Variants in PLCG1 observed in about 807,000 individuals in gnomAD.
PLCG1 encodes phospholipase C gamma 1.
In PLCG1, 71 loss-of-function variants were observed where a neutral mutation model predicts 177.8. That is an observed-to-expected ratio of 0.40 (90% CI 0.33 to 0.49). The LOEUF (loss-of-function observed/expected upper bound fraction) is 0.49. Ranked by LOEUF, PLCG1 falls within the 20% of genes least tolerant of loss-of-function variation. The probability of loss-of-function intolerance (pLI) is 0.72; values close to 1 mark genes in which losing one functional copy is unlikely to be tolerated. For synonymous variants in PLCG1, 658 were observed against 647.9 expected, an observed-to-expected ratio of 1.02 and a Z score of -0.24; for missense variants, 1,281 against 1,709.0, an observed-to-expected ratio of 0.75 and a Z score of 4.42.
In PLCG1 at chr20:41,172,352, G is replaced by A; in HGVS notation, c.2905+63G>A. 6.3e-7 allele frequency: 1 copy of A among 1,577,986 alleles called. No individual in the cohort carries two copies. Among genetic ancestry groups the A allele is most frequent in the Non-Finnish European group, 8.7e-7 (1 of 1,147,062 alleles). On this transcript the variant is annotated intron_variant, in intron 25 of 31. Coordinates refer to ENST00000685551, the MANE Select transcript of PLCG1 (RefSeq NM_002660.3). The surrounding 1 kb of genome is among the most constrained non-coding windows in gnomAD (Gnocchi z 7.0). ...GGAGGGCCTGGTGGGTGCAAAAAGA[G>A]TATTTAGGTATCCCCCCAACACTTC...
In PLCG1 at chr20:41,165,340, C is replaced by T. The variant is rs760495985; in HGVS notation, c.1482C>T (p.Ile494=). 6.2e-6 allele frequency: 10 copies of T among 1,614,060 alleles called. No homozygotes were observed. The highest frequency in any genetic ancestry group is 4.4e-5 in the South Asian group (4 of 91,090). ...NDISNSIKNG[I]LYLEDPVNHE... ...TCAGCAACTCTATCAAGAATGGCATCCTCTACCTGGAGGACCCTGTGAACC... is the reference window on the plus strand; with the variant it reads ...TCAGCAACTCTATCAAGAATGGCATTCTCTACCTGGAGGACCCTGTGAACC... The change falls in exon 14 of 32, where the codon ATC becomes ATT. Residue 494 remains isoleucine (I), a synonymous_variant. Transcript: ENST00000685551. The surrounding 1 kb of genome is among the most constrained non-coding windows in gnomAD (Gnocchi z 6.6).
At position 41,164,715 on chromosome 20, in the gene PLCG1, C is replaced by T. The variant is rs1054120754; in HGVS notation, c.1218-218C>T. 2.6e-5 allele frequency among the ~76,000 whole-genome samples: 4 copies of T among 152,160 alleles called. No homozygotes were observed. The highest frequency in any genetic ancestry group is 4.8e-5 in the African/African-American group (2 of 41,434). On this transcript the variant is annotated intron_variant, in intron 12 of 31. Transcript: ENST00000685551. This position sits in a 1 kb window ranked among gnomAD's most constrained non-coding sequence, Gnocchi z 6.4. ...AGCAGCCTCCATAATTGGGCCAGCT[C>T]GGGACTGCATCAGTTGCCACCCTTT... is the stretch of plus-strand genomic sequence containing the variant.
rs867647821 is a variant in PLCG1 at position 41,176,577 on chromosome 20, G to A, written c.*2068G>A. 1 of 152,228 alleles carries A rather than the reference G, an allele frequency of 6.6e-6. No individual in the cohort carries two copies. The highest frequency in any genetic ancestry group is 6.5e-5 in the Admixed American group (1 of 15,282). 9.4% of individuals were successfully genotyped at this position (152,228 alleles called of 1,614,324 possible). On this transcript the variant is annotated 3_prime_UTR_variant, in exon 32 of 32. Transcript: ENST00000685551. ...ACGTATCTCTATTTGCTGAACAAGT[G>A]TCTTTCTGGAACACAACCTGGGGAA...
intron 1 of PLCG1, among the ~76,000 whole-genome samples, chr20:41,139,374 A>G (rs531530412): frequency 4.9e-4 from 75 of 152,084 alleles, no homozygotes; most frequent in Middle Eastern, 3.4e-3. Context: ...CCCCTTCCTT[A>G]CTCCCTATGC....
rs749051764 is a variant in PLCG1 at position 41,168,763 on chromosome 20, G to T, written c.2380-4G>T. 6.3e-7 allele frequency: 1 copy of T among 1,583,570 alleles called. No homozygotes were observed. Among genetic ancestry groups the T allele is most frequent in the South Asian group, 1.1e-5 (1 of 89,962 alleles). On this transcript the variant is annotated splice_region_variant and splice_polypyrimidine_tract_variant and intron_variant, in intron 20 of 31. Coordinates refer to ENST00000685551, the MANE Select transcript of PLCG1 (RefSeq NM_002660.3). ...GCTCTGACTGGTGCTTCTCACCTCT[G>T]CAGTGTGCAGTCAAAGCCCTCTTTG...
rs778043203 is a variant in PLCG1 at position 41,166,271 on chromosome 20, A to G, written c.1877A>G (p.Asn626Ser). ...AGTPKFFLTD[N>S]LVFDSLYDLI... The stretch of plus-strand genomic sequence containing the variant: ...ACCCCCAAGTTCTTCTTGACAGACA[A>G]CCTCGTCTTTGACTCCCTCTATGAC... Residue 626 changes from asparagine to serine, a missense_variant, in exon 17 of 32, where the codon AAC (asparagine) becomes AGC (serine). Asn to Ser is a conservative substitution (Grantham distance 46). Around this residue, in one of 4 missense-constraint regions of PLCG1, gnomAD observed 723 missense variants for 1,030.0 expected, o/e 0.70. Coordinates refer to ENST00000685551, the MANE Select transcript of PLCG1 (RefSeq NM_002660.3). This position sits in a 1 kb window ranked among gnomAD's most constrained non-coding sequence, Gnocchi z 8.6. 17 of 1,613,988 alleles carry G rather than the reference A, an allele frequency of 1.1e-5. No homozygotes were observed. The highest frequency in any genetic ancestry group is 6.6e-5 in the South Asian group (6 of 91,080).
In PLCG1 at chr20:41,148,857, G is replaced by T. The variant is rs1051959001; in HGVS notation, c.218-10749G>T. 6.6e-6 allele frequency among the ~76,000 whole-genome samples: 1 copy of T among 152,162 alleles called. No individual in the cohort carries two copies. The highest frequency in any genetic ancestry group is 2.4e-5 in the African/African-American group (1 of 41,430). Reference sequence around the variant, plus strand: ...GATTCTGAGGCATTACAGAGCACACGTCTAGGGTACAGGCAGTCTTGGCTT... The same window carrying T: ...GATTCTGAGGCATTACAGAGCACACTTCTAGGGTACAGGCAGTCTTGGCTT... On this transcript the variant is annotated intron_variant, in intron 1 of 31. Coordinates refer to ENST00000685551, the MANE Select transcript of PLCG1 (RefSeq NM_002660.3). The surrounding 1 kb of genome is among the most constrained non-coding windows in gnomAD (Gnocchi z 4.3).
rs548111784 is a variant in PLCG1, at chr20:41,157,932, G to T, written c.218-1674G>T. Among the ~76,000 whole-genome samples, 1 of 152,298 alleles carries T rather than the reference G, an allele frequency of 6.6e-6. No individual in the cohort carries two copies. The highest frequency in any genetic ancestry group is 2.1e-4 in the South Asian group (1 of 4,824). On this transcript the variant is annotated intron_variant, in intron 1 of 31. Transcript: ENST00000685551. The surrounding 1 kb of genome is among the most constrained non-coding windows in gnomAD (Gnocchi z 5.4). ...CGGGAGGGGCTTGAATGAGGTCTAG[G>T]GGGGTCAGAATAATGTTTTATGAAG...
intron 1 of PLCG1, among the ~76,000 whole-genome samples, chr20:41,143,333 T>TGGAAGG (rs1015514984): frequency 6.6e-5 from 10 of 152,192 alleles, no homozygotes; most frequent in Non-Finnish European, 1.5e-4. Context: ...CCACAGATGA[T>TGGAAGG]AAGTTGGAGG....
In PLCG1 at chr20:41,149,190, T is replaced by C. The variant is rs371804003; in HGVS notation, c.218-10416T>C. On this transcript the variant is annotated intron_variant, in intron 1 of 31. Coordinates refer to ENST00000685551, the MANE Select transcript of PLCG1 (RefSeq NM_002660.3). ...TCATCCTCTACTTCTCAGCTTCTTA[T>C]AGTATTTGTCTGTGGACTCTAACGT... Among the ~76,000 whole-genome samples the C allele has an allele frequency of 5.8e-4, 89 of 152,354 alleles. 1 individual carries two copies. Among genetic ancestry groups the C allele is most frequent in the East Asian group, 4.8e-3 (25 of 5,188 alleles).
In PLCG1 at chr20:41,149,476, G is replaced by T. The variant is rs576391703; in HGVS notation, c.218-10130G>T. On this transcript the variant is annotated intron_variant, in intron 1 of 31. Coordinates refer to ENST00000685551, the MANE Select transcript of PLCG1 (RefSeq NM_002660.3). ...GTGATGCTCTTAGCTGACCCAGGGG[G>T]TATGGCAAGAGGCCTTGGTTCTGGT... Among the ~76,000 whole-genome samples, 149 of 152,350 alleles carry T rather than the reference G, an allele frequency of 9.8e-4. 1 individual carries two copies. Among genetic ancestry groups the T allele is most frequent in the Non-Finnish European group, 3.8e-4 (26 of 68,038 alleles).
At position 41,167,009 on chromosome 20, in the gene PLCG1, G is replaced by C; in HGVS notation, c.2301+150G>C. On this transcript the variant is annotated intron_variant, in intron 19 of 31. Coordinates refer to ENST00000685551, the MANE Select transcript of PLCG1 (RefSeq NM_002660.3). This position sits in a 1 kb window ranked among gnomAD's most constrained non-coding sequence, Gnocchi z 4.4. Reference sequence around the variant, plus strand: ...ACTCCAGCTGGGAGCCACAGTGTGGGTACCAGGAGGGTGTCTGCAGGAGGG... The same window carrying C: ...ACTCCAGCTGGGAGCCACAGTGTGGCTACCAGGAGGGTGTCTGCAGGAGGG... 5.7e-6 allele frequency: 4 copies of C among 696,204 alleles called. No homozygotes were observed. Among genetic ancestry groups the C allele is most frequent in the Non-Finnish European group, 1.0e-5 (4 of 400,746 alleles). The allele number at this position is 696,204 out of a possible 1,614,324, so 43.1% of individuals were successfully genotyped here.
Position 41,166,665 on chromosome 20 carries a change from T to G in PLCG1, c.2121-14T>G. 2 of 1,614,136 alleles carry G rather than the reference T, an allele frequency of 1.2e-6. No homozygotes were observed. Among genetic ancestry groups the G allele is most frequent in the Non-Finnish European group, 1.7e-6 (2 of 1,180,006 alleles). On this transcript the variant is annotated splice_polypyrimidine_tract_variant and intron_variant, in intron 18 of 31. Transcript: ENST00000685551. The surrounding 1 kb of genome is among the most constrained non-coding windows in gnomAD (Gnocchi z 8.6). Reference sequence around the variant, plus strand: ...GCTGCCCTGACCCTGTGTGACTGTTTTGTCCTTGTGAAGGGCTGAGGGCAA... The same window carrying G: ...GCTGCCCTGACCCTGTGTGACTGTTGTGTCCTTGTGAAGGGCTGAGGGCAA...
rs753682992 is a variant in PLCG1 at position 41,137,908 on chromosome 20, G to A, written c.217+50G>A. 2.8e-5 allele frequency: 34 copies of A among 1,195,228 alleles called. No individual in the cohort carries two copies. Among genetic ancestry groups the A allele is most frequent in the African/African-American group, 4.7e-5 (3 of 63,340 alleles). 74.0% of individuals were successfully genotyped at this position (1,195,228 alleles called of 1,614,324 possible). A position where few individuals can be genotyped will look rare whatever the true frequency, so the allele number is the denominator to read the frequency against. The stretch of plus-strand genomic sequence containing the variant: ...GGCCCGCCCCGCGCGGGGGTCGTGG[G>A]AGCCCGGCCCGACTGCTTGCACCCC... On this transcript the variant is annotated intron_variant, in intron 1 of 31. Coordinates refer to ENST00000685551, the MANE Select transcript of PLCG1 (RefSeq NM_002660.3). This position sits in a 1 kb window ranked among gnomAD's most constrained non-coding sequence, Gnocchi z 7.3.
intron 4 of PLCG1, among the ~76,000 whole-genome samples, chr20:41,161,762 C>G (rs1036945535): frequency 7.2e-5 from 11 of 151,792 alleles, no homozygotes; most frequent in Admixed American, 5.9e-4. Flanking sequence ...AAGCCCCCCC[C>G]TTCCCCCTTC....
Position 41,174,618 on chromosome 20 carries a change from C to A in PLCG1, c.*109C>A. 1 of 907,232 alleles carries A rather than the reference C, an allele frequency of 1.1e-6. No individual in the cohort carries two copies. The highest frequency in any genetic ancestry group is 1.8e-6 in the Non-Finnish European group (1 of 565,824). The allele number at this position is 907,232 out of a possible 1,614,324, so 56.2% of individuals were successfully genotyped here. On this transcript the variant is annotated 3_prime_UTR_variant, in exon 32 of 32. Coordinates refer to ENST00000685551, the MANE Select transcript of PLCG1 (RefSeq NM_002660.3). This position sits in a 1 kb window ranked among gnomAD's most constrained non-coding sequence, Gnocchi z 5.8. ...TGTGGCGGCCTTCCGGGTCTCGCAG[C>A]CTGAAGCCTGGATTCCAGCAGTGAA...
intron 4 of PLCG1, among the ~76,000 whole-genome samples, chr20:41,161,052 G>A (rs2035478795): frequency 1.3e-5 from 2 of 152,128 alleles, no homozygotes. Flanking sequence ...TAACTTGGGA[G>A]TATGTAGATA....
chr20:41,146,954 T>C lies in PLCG1; in HGVS notation c.217+9096T>C, dbSNP rs1266930240. ...AGGTCCCACAGGTTTCTCAGCTTACTTGGGGGCAGGAGGTGAGCTAAGGAA... is the reference window on the plus strand; with the variant it reads ...AGGTCCCACAGGTTTCTCAGCTTACCTGGGGGCAGGAGGTGAGCTAAGGAA... On this transcript the variant is annotated intron_variant, in intron 1 of 31. Transcript: ENST00000685551. The surrounding 1 kb of genome is among the most constrained non-coding windows in gnomAD (Gnocchi z 6.3). Among the ~76,000 whole-genome samples the C allele has an allele frequency of 6.6e-6, 1 of 152,120 alleles. No homozygotes were observed. Among genetic ancestry groups the C allele is most frequent in the African/African-American group, 2.4e-5 (1 of 41,404 alleles).
rs1424890641 is a variant in PLCG1 at position 41,150,777 on chromosome 20, C to T, written c.218-8829C>T. 2.6e-5 allele frequency among the ~76,000 whole-genome samples: 4 copies of T among 152,176 alleles called. No individual in the cohort carries two copies. In the East Asian group the frequency reaches 7.7e-4, roughly 29 times the overall value. ...CTCTGCCCAATGTGTGCTTGTCAGC[C>T]CTCCAGACCTGGCTTTTACAGAGCA... On this transcript the variant is annotated intron_variant, in intron 1 of 31. Coordinates refer to ENST00000685551, the MANE Select transcript of PLCG1 (RefSeq NM_002660.3). This position sits in a 1 kb window ranked among gnomAD's most constrained non-coding sequence, Gnocchi z 4.0.
Sources: allele counts gnomAD v4.1 joint callset (sites outside exome capture counted in the v4.1 genomes callset), GRCh38; gene constraint gnomAD v4.1.1; regional missense constraint gnomAD v4.1.1; non-coding constraint Gnocchi (gnomAD v3.1); transcripts MANE v1.5; gene names NCBI Gene and HGNC (gene_info 2026-07-23, HGNC 2026-07-21).